Variants in CNTN1 observed in about 807,000 individuals in gnomAD.
CNTN1 encodes the protein contactin 1.
Under a neutral mutation model 126.4 loss-of-function variants are expected in CNTN1, and 38 were observed. The ratio of observed to expected loss-of-function variants is 0.30; its 90% CI spans 0.23 to 0.39. The LOEUF is 0.39. Among genes scored for constraint, CNTN1 ranks in the 10% least tolerant of loss-of-function variants. The pLI, the probability that CNTN1 is intolerant of heterozygous loss-of-function variation, is 1.00. For synonymous variants in CNTN1, 413 were observed against 422.6 expected (o/e 0.98, Z 0.28); for missense variants, 1,009 against 1,248.4 (o/e 0.81, Z 2.89).
chr12:40,795,059 A>C (rs1465757680), intron 1 of CNTN1, among the ~76,000 whole-genome samples: 1 of 152,072 alleles, frequency 6.6e-6, no homozygotes, highest in Non-Finnish European at 1.5e-5. Context: ...TCCCTCCACA[A>C]TGTGGGAAGA....
At chr12:40,968,397 A>T in intron 15 of CNTN1, among the ~76,000 whole-genome samples, 1 of 151,248 alleles carries the variant, frequency 6.6e-6, no homozygotes, top group South Asian at 2.1e-4. Flanking sequence ...TATAGTAGTT[A>T]TTTTTTTTTC....
intron 23 of CNTN1, among the ~76,000 whole-genome samples, chr12:41,044,513 GT>G (rs1433743676): frequency 6.6e-6 from 1 of 152,034 alleles, no homozygotes; most frequent in African/African-American, 2.4e-5. Context: ...AAATGTTTTT[GT>G]TTTGTTTTAT....
At chr12:40,855,476 T>C (rs1310401068) in intron 1 of CNTN1, among the ~76,000 whole-genome samples, 1 of 152,106 alleles carries the variant, frequency 6.6e-6, no homozygotes, top group Non-Finnish European at 1.5e-5. Context: ...TTCATTCTCA[T>C]GGATTTCACT....
rs181026504 is a variant in CNTN1, at chr12:40,952,223, T to C, written c.1684-6891T>C. On this transcript the variant is annotated intron_variant, in intron 14 of 23. Transcript: ENST00000551295. Reference sequence around the variant, plus strand: ...TATTACCTATGGAGCCTTCCACAAGTAGCTTAATGTAAAATCTCAAGGTCC... The same window carrying C: ...TATTACCTATGGAGCCTTCCACAAGCAGCTTAATGTAAAATCTCAAGGTCC... 1.3e-3 allele frequency among the ~76,000 whole-genome samples: 192 copies of C among 152,244 alleles called. 1 individual carries two copies. Among genetic ancestry groups the C allele is most frequent in the Non-Finnish European group, 6.0e-4 (41 of 68,000 alleles).
intron 1 of CNTN1, among the ~76,000 whole-genome samples, chr12:40,885,615 CTCCAATG>C (rs1944003154): frequency 6.6e-6 from 1 of 151,962 alleles, no homozygotes; most frequent in Non-Finnish European, 1.5e-5. Context: ...TCTGTGAGAA[CTCCAATG>C]AGAATTAAAT....
chr12:40,892,955 T>TGGAG (rs1555174965), intron 1 of CNTN1, among the ~76,000 whole-genome samples: 2 of 134,964 alleles, frequency 1.5e-5, no homozygotes, highest in African/African-American at 3.2e-5. Flanking sequence ...AAATGAAAAC[T>TGGAG]GGGGGGGGTG....
intron 1 of CNTN1, among the ~76,000 whole-genome samples, chr12:40,836,936 T>C (rs375743923): frequency 7.9e-5 from 12 of 152,326 alleles, no homozygotes; most frequent in African/African-American, 2.9e-4. Flanking sequence ...ATTAGGAGAT[T>C]AAAGTTTCTC....
chr12:41,027,929 T>C lies in CNTN1; in HGVS notation c.2783T>C (p.Val928Ala), dbSNP rs1451057543. Reference protein sequence around the residue: ...GSRYIITWDHVVALSNESTVT... With the variant: ...GSRYIITWDHAVALSNESTVT... ...CGCTATATAATCACCTGGGATCATG[T>C]CGTTGCACTATCAAATGAATCTACA... Residue 928 changes from valine to alanine, a missense_variant, in exon 22 of 24, where the codon GTC becomes GCC. Coordinates refer to ENST00000551295, the MANE Select transcript of CNTN1 (RefSeq NM_001843.4). 2 of 1,612,962 alleles carry C rather than the reference T, an allele frequency of 1.2e-6. No homozygotes were observed. The highest frequency in any genetic ancestry group is 3.3e-5 in the Admixed American group (2 of 59,976).
At chr12:40,857,009 T>A (rs1373408940) in intron 1 of CNTN1, among the ~76,000 whole-genome samples, 3 of 152,144 alleles carry the variant, frequency 2.0e-5, no homozygotes, top group Non-Finnish European at 4.4e-5. Flanking sequence ...ATTATATTAT[T>A]TGAAACTATT....
In CNTN1 at chr12:40,944,124, T is replaced by C. The variant is rs1389981877; in HGVS notation, c.1637T>C (p.Val546Ala). 7 of 1,613,522 alleles carry C rather than the reference T, an allele frequency of 4.3e-6. No homozygotes were observed. The highest frequency in any genetic ancestry group is 5.9e-6 in the Non-Finnish European group (7 of 1,179,612). The change falls in exon 14 of 24, where the codon GTG becomes GCG. Residue 546 changes from valine (V) to alanine (A), a missense_variant. Val to Ala is a moderately conservative substitution (Grantham distance 64). Transcript: ENST00000551295. Reference protein sequence around the residue: ...LTFVWSFNGYVIDFNKENIHY... With the variant: ...LTFVWSFNGYAIDFNKENIHY... ...TTTGTTTGGTCCTTCAATGGCTATG[T>C]GATCGATTTTAACAAAGAGAATATT...
Position 40,939,064 on chromosome 12 carries a change from C to A in CNTN1, c.1229-271C>A, listed in dbSNP as rs550932814. On this transcript the variant is annotated intron_variant, in intron 11 of 23. Transcript: ENST00000551295. ...GCTGGGATTATAGGTGTGAGCCACCCATGCCTGGATTCTAATTAAAGTTTC... is the reference window on the plus strand; with the variant it reads ...GCTGGGATTATAGGTGTGAGCCACCAATGCCTGGATTCTAATTAAAGTTTC... Among the ~76,000 whole-genome samples the A allele has an allele frequency of 1.7e-4, 26 of 152,268 alleles. No homozygotes were observed. The South Asian group carries it at 5.4e-3, about 32-fold the overall frequency.
intron 1 of CNTN1, among the ~76,000 whole-genome samples, chr12:40,907,196 A>G (rs1190494313): frequency 6.6e-6 from 1 of 152,186 alleles, no homozygotes; most frequent in Non-Finnish European, 1.5e-5. Flanking sequence ...ACTCAAATCT[A>G]AGAATGCAAC....
At chr12:40,819,351 G>T (rs1052162027) in intron 1 of CNTN1, among the ~76,000 whole-genome samples, 1 of 152,156 alleles carries the variant, frequency 6.6e-6, no homozygotes, top group Non-Finnish European at 1.5e-5. Context: ...GATCCAGGGA[G>T]CTCTGAATTC....
At chr12:40,920,510 TG>T (rs1565949565) in intron 4 of CNTN1, among the ~76,000 whole-genome samples, 3 of 151,140 alleles carry the variant, frequency 2.0e-5, no homozygotes, top group African/African-American at 7.3e-5. Flanking sequence ...AAAAAAAAAG[TG>T]GGGGGAAAGA....
At chr12:40,787,327 G>T (rs887299050) in intron 1 of CNTN1, among the ~76,000 whole-genome samples, 1 of 152,134 alleles carries the variant, frequency 6.6e-6, no homozygotes, top group Non-Finnish European at 1.5e-5. Context: ...CACCAAATAT[G>T]TGCTCACTAC....
At chr12:40,700,485 C>G (rs1941566922) in intron 1 of CNTN1, among the ~76,000 whole-genome samples, 1 of 151,836 alleles carries the variant, frequency 6.6e-6, no homozygotes, top group African/African-American at 2.4e-5. Flanking sequence ...GAGATCATGC[C>G]ATTGCACTCC....
At chr12:40,926,070 A>G (rs1208285729) in intron 6 of CNTN1, among the ~76,000 whole-genome samples, 1 of 151,570 alleles carries the variant, frequency 6.6e-6, no homozygotes, top group Non-Finnish European at 1.5e-5. Context: ...GTGGAGCAAA[A>G]CAGGAAAAGC....
At chr12:40,789,212 T>C (rs567705888) in intron 1 of CNTN1, among the ~76,000 whole-genome samples, 1 of 152,196 alleles carries the variant, frequency 6.6e-6, no homozygotes, top group African/African-American at 2.4e-5. Context: ...GAGAAGAAGC[T>C]TGGCAAGGAA....
At chr12:40,942,352 G>C (rs950765814) in intron 12 of CNTN1, among the ~76,000 whole-genome samples, 3 of 152,070 alleles carry the variant, frequency 2.0e-5, no homozygotes, top group Admixed American at 6.6e-5. Flanking sequence ...CTGAGATACA[G>C]GTCTGATCCC....
Sources: allele counts gnomAD v4.1 joint callset (sites outside exome capture counted in the v4.1 genomes callset), GRCh38; gene constraint gnomAD v4.1.1; transcripts MANE v1.5; gene names NCBI Gene and HGNC (gene_info 2026-07-23, HGNC 2026-07-21).